Variants in CHODL observed in about 807,000 individuals in gnomAD.
The protein encoded by CHODL is transmembrane protein MT75.
A neutral mutation model predicts 34.5 loss-of-function variants in CHODL; 29 were observed. The observed-to-expected ratio is 0.84, with a 90% CI of 0.63 to 1.15. The LOEUF is 1.15. Among genes scored for constraint, CHODL ranks in the 50% most tolerant of loss-of-function variants. CHODL has a pLI of 0.00. For synonymous variants in CHODL, 125 were observed against 116.1 expected (o/e 1.08, Z -0.49); for missense variants, 332 against 332.5 (o/e 1.00, Z 0.01).
intron 2 of CHODL, among the ~76,000 whole-genome samples, chr21:18,185,062 T>A (rs2073424932): frequency 6.6e-6 from 1 of 152,178 alleles, no homozygotes. Context: ...CTGGGATACA[T>A]GTGCAGAACG....
intron 1 of CHODL, among the ~76,000 whole-genome samples, chr21:17,957,883 C>T (rs197542): frequency 0.41 from 61,757 of 149,352 alleles, 12,995 homozygotes; most frequent in East Asian, 0.64. Context: ...TTTAGGCAGC[C>T]TTTTTTTTTT....
chr21:18,133,347 T>G (rs1411253933), intron 2 of CHODL, among the ~76,000 whole-genome samples: 1 of 152,206 alleles, frequency 6.6e-6, no homozygotes, highest in East Asian at 1.9e-4. Flanking sequence ...CTGTTTCATT[T>G]AGGATGCTTT....
intron 2 of CHODL, among the ~76,000 whole-genome samples, chr21:18,233,232 C>T (rs140158758): frequency 3.2e-4 from 48 of 151,778 alleles, no homozygotes; most frequent in Middle Eastern, 3.4e-3. Flanking sequence ...TTTGTCTTTC[C>T]GTGCCTGGCT....
chr21:18,217,490 G>GCC lies in CHODL; in HGVS notation c.-44-39013_-44-39012dup, dbSNP rs59405917. 4.0e-3 allele frequency among the ~76,000 whole-genome samples: 607 copies of GCC among 151,962 alleles called. 5 individuals are homozygous for GCC. The highest frequency in any genetic ancestry group is 0.012 in the African/African-American group (510 of 41,462). ...TGAGAACAGCAGCATGAGGGTAACT[G>GCC]CCCCCCCGACTCAATAACCTCCCAT... On this transcript the variant is annotated intron_variant, in intron 2 of 6. Transcript: ENST00000400127.
chr21:18,086,041 CTTTTTTTTTTTTTT>C (rs3984977), intron 2 of CHODL, among the ~76,000 whole-genome samples: 21 of 38,734 alleles, frequency 5.4e-4, no homozygotes, highest in Non-Finnish European at 8.4e-4. Context: ...AGACTTTGTT[CTTTTTTTTTTTTTT>C]TTTTTTTTTT....
At chr21:18,098,517 A>G (rs1047502524) in intron 2 of CHODL, among the ~76,000 whole-genome samples, 2 of 152,082 alleles carry the variant, frequency 1.3e-5, no homozygotes, top group African/African-American at 2.4e-5. Context: ...GTAAATCAAA[A>G]CTACAATGAG....
At chr21:18,131,034 G>A (rs1051301422) in intron 2 of CHODL, among the ~76,000 whole-genome samples, 1 of 152,140 alleles carries the variant, frequency 6.6e-6, no homozygotes, top group Non-Finnish European at 1.5e-5. Context: ...AGAATGGTCA[G>A]TTTCTGGTGA....
At position 18,256,695 on chromosome 21, in the gene CHODL, A is replaced by C; in HGVS notation, c.266A>C (p.Lys89Thr). The C allele has an allele frequency of 6.2e-7, 1 of 1,614,052 alleles. No individual in the cohort carries two copies. The highest frequency in any genetic ancestry group is 8.5e-7 in the Non-Finnish European group (1 of 1,179,982). ...GAGAGCATGTTGCAAAACCTGACAA[A>C]ACCCGGGACAGGGATTTCTGATGGT... ...LIESMLQNLT[K>T]PGTGISDGDF... Residue 89 changes from lysine to threonine, a missense_variant, in exon 2 of 6, where the codon AAA (lysine) becomes ACA (threonine). Transcript: ENST00000299295.
intron 1 of CHODL, among the ~76,000 whole-genome samples, chr21:18,021,866 G>C (rs896957386): frequency 1.3e-5 from 2 of 152,112 alleles, no homozygotes; most frequent in African/African-American, 4.8e-5. Flanking sequence ...AAACATCACT[G>C]CAAGAGTGTT....
chr21:18,121,978 GC>G (rs2065485152), intron 2 of CHODL, among the ~76,000 whole-genome samples: 1 of 152,064 alleles, frequency 6.6e-6, no homozygotes, highest in Non-Finnish European at 1.5e-5. Flanking sequence ...CTTTGTAAAT[GC>G]TCTATTTATC....
rs1484349402 is a variant in CHODL, at chr21:18,245,274, C to G, written c.51C>G (p.His17Gln). The change falls in exon 1 of 6, where the codon CAC becomes CAG. Residue 17 changes from histidine to glutamine, a missense_variant. His to Gln is a conservative substitution (Grantham distance 24). Transcript: ENST00000299295. Reference protein sequence around the residue: ...LLLGAALLCGHGAFCRRVVSG... With the variant: ...LLLGAALLCGQGAFCRRVVSG... Reference sequence around the variant, plus strand: ...TGGGCGCCGCGCTGCTCTGCGGCCACGGAGCCTTCTGCCGCCGCGTGGTCA... The same window carrying G: ...TGGGCGCCGCGCTGCTCTGCGGCCAGGGAGCCTTCTGCCGCCGCGTGGTCA... The G allele has an allele frequency of 1.3e-6, 2 of 1,525,276 alleles. No homozygotes were observed. Among genetic ancestry groups the G allele is most frequent in the Non-Finnish European group, 8.8e-7 (1 of 1,142,796 alleles). 94.5% of individuals were successfully genotyped at this position (1,525,276 alleles called of 1,614,324 possible). A position where few individuals can be genotyped will look rare whatever the true frequency, so the allele number is the denominator to read the frequency against.
intron 2 of CHODL, among the ~76,000 whole-genome samples, chr21:18,220,149 G>A (rs2073868447): frequency 6.6e-6 from 1 of 152,004 alleles, no homozygotes; most frequent in African/African-American, 2.4e-5. Context: ...AACTACTCTT[G>A]CATGCTTTTG....
At chr21:18,148,901 G>T (rs1326940124) in intron 2 of CHODL, among the ~76,000 whole-genome samples, 1 of 147,406 alleles carries the variant, frequency 6.8e-6, no homozygotes, top group Non-Finnish European at 1.5e-5. Flanking sequence ...AAAAAAAAAG[G>T]TCTGATGGAG....
chr21:18,116,175 G>C (rs2824633), intron 2 of CHODL, among the ~76,000 whole-genome samples: 56,653 of 151,924 alleles, frequency 0.37, 12,089 homozygotes, highest in East Asian at 0.71. Flanking sequence ...CATGGCTTCA[G>C]TGACCAACTC....
At chr21:18,182,109 G>A (rs2146678005) in intron 2 of CHODL, among the ~76,000 whole-genome samples, 1 of 152,238 alleles carries the variant, frequency 6.6e-6, no homozygotes, top group South Asian at 2.1e-4. Context: ...TGGGTAATAT[G>A]TTCATGCTGT....
At chr21:18,205,285 T>G (rs1218723043) in intron 2 of CHODL, among the ~76,000 whole-genome samples, 1 of 152,228 alleles carries the variant, frequency 6.6e-6, no homozygotes, top group Non-Finnish European at 1.5e-5. Flanking sequence ...TTTCAGTTTT[T>G]ATCATGAAGG....
intron 2 of CHODL, among the ~76,000 whole-genome samples, chr21:18,234,198 G>T (rs888535409): frequency 1.3e-5 from 2 of 152,074 alleles, no homozygotes; most frequent in Non-Finnish European, 2.9e-5. Flanking sequence ...CTCTGTGACC[G>T]CCATCAGAGT....
rs2063336099 is a variant in CHODL, at chr21:17,938,496, G to GTTTTTTTTTTTTTTTTTTTTTTTTTTT, written c.-145+21096_-145+21097insTTTTTTTTTTTTTTTTTTTTTTTTTTT. On this transcript the variant is annotated intron_variant, in intron 1 of 6. Coordinates refer to the CHODL transcript ENST00000400127. ...TTTTTTTTTTTTTTTTTTTTTTTAA[G>GTTTTTTTTTTTTTTTTTTTTTTTTTTT]GAAAGGGAGTCTCGCTCCATCGCCC... 9.2e-5 allele frequency among the ~76,000 whole-genome samples: 4 copies of GTTTTTTTTTTTTTTTTTTTTTTTTTTT among 43,684 alleles called. 2 individuals are homozygous for GTTTTTTTTTTTTTTTTTTTTTTTTTTT. The highest frequency in any genetic ancestry group is 3.7e-4 in the African/African-American group (4 of 10,948). The allele number at this position is 43,684 out of a possible 152,430, so 28.7% of individuals were successfully genotyped here. A position where few individuals can be genotyped will look rare whatever the true frequency, so the allele number is the denominator to read the frequency against.
chr21:17,992,083 CCTTT>C (rs999896076), intron 1 of CHODL, among the ~76,000 whole-genome samples: 10 of 152,094 alleles, frequency 6.6e-5, no homozygotes, highest in African/African-American at 2.4e-4. Context: ...AAGAGACTGT[CCTTT>C]CTTCAGTGTA....
Sources: gnomAD v4.1 joint callset for allele counts (sites outside exome capture counted in the v4.1 genomes callset) on GRCh38, gnomAD v4.1.1 for gene constraint, MANE v1.5 for transcripts, NCBI Gene and HGNC (gene_info 2026-07-23, HGNC 2026-07-21) for gene names.